Variants in TMCC1 observed in about 807,000 individuals in gnomAD.
The protein encoded by TMCC1 is transmembrane and coiled-coil domain family 1.
TMCC1 carries 15 observed loss-of-function variants against 52.4 expected under a neutral mutation model. That is an observed-to-expected ratio of 0.29 (90% confidence interval 0.19 to 0.44). TMCC1 has a LOEUF of 0.44. Among genes scored for constraint, TMCC1 ranks in the 20% least tolerant of loss-of-function variants. The pLI is 1.00. For synonymous variants in TMCC1, 279 were observed against 301.9 expected, an observed-to-expected ratio of 0.92 and a Z score of 0.79; for missense variants, 503 against 806.0, an observed-to-expected ratio of 0.62 and a Z score of 4.55.
intron 4 of TMCC1, among the ~76,000 whole-genome samples, chr3:129,696,505 C>G (rs1010560411): frequency 1.3e-5 from 2 of 152,218 alleles, no homozygotes; most frequent in African/African-American, 4.8e-5. Flanking sequence ...GCCATGGTCA[C>G]TCATATTTGG....
intron 4 of TMCC1, among the ~76,000 whole-genome samples, chr3:129,750,530 A>G (rs536971329): frequency 6.6e-6 from 1 of 150,710 alleles, no homozygotes; most frequent in African/African-American, 2.4e-5. Flanking sequence ...TTTGAATCAG[A>G]GTCCACTTTT....
intron 4 of TMCC1, among the ~76,000 whole-genome samples, chr3:129,769,160 G>A (rs900933452): frequency 2.0e-5 from 3 of 152,208 alleles, no homozygotes; most frequent in Admixed American, 6.5e-5. Flanking sequence ...CATTGCCAGC[G>A]GGCCGCACGT....
In TMCC1 at chr3:129,737,519, C is replaced by T. The variant is rs541243191; in HGVS notation, c.577-66255G>A. Among the ~76,000 whole-genome samples, 4 of 152,158 alleles carry T rather than the reference C, an allele frequency of 2.6e-5. No individual in the cohort carries two copies. The South Asian group carries it at 6.2e-4, about 24-fold the overall frequency. ...AGAGGCTTGACGGAATTCTCTTGCCCCTTTCACCATGTGATGATGCAGCAA... is the reference window on the plus strand; with the variant it reads ...AGAGGCTTGACGGAATTCTCTTGCCTCTTTCACCATGTGATGATGCAGCAA... On this transcript the variant is annotated intron_variant, in intron 4 of 6. Coordinates refer to ENST00000393238, the MANE Select transcript of TMCC1 (RefSeq NM_001017395.5).
At chr3:129,863,391 T>C (rs2060481894) in intron 2 of TMCC1, among the ~76,000 whole-genome samples, 1 of 152,166 alleles carries the variant, frequency 6.6e-6, no homozygotes. Context: ...CAGTTTGCCT[T>C]GGTACCTCAA....
At chr3:129,699,328 T>C (rs1180830611) in intron 4 of TMCC1, among the ~76,000 whole-genome samples, 2 of 152,232 alleles carry the variant, frequency 1.3e-5, no homozygotes, top group Non-Finnish European at 2.9e-5. Context: ...CTAATTACAA[T>C]GCATTAGCAT....
chr3:129,724,057 T>A (rs2049881163), intron 4 of TMCC1, among the ~76,000 whole-genome samples: 2 of 152,076 alleles, frequency 1.3e-5, no homozygotes, highest in South Asian at 4.1e-4. Flanking sequence ...TTTGAACATG[T>A]TGTACTGTGG....
intron 5 of TMCC1, among the ~76,000 whole-genome samples, chr3:129,669,751 G>A (rs1483793806): frequency 6.6e-6 from 1 of 152,148 alleles, no homozygotes; most frequent in Non-Finnish European, 1.5e-5. Flanking sequence ...ACACAAAAAC[G>A]AGACCAGCTT....
At chr3:129,874,871 T>C (rs72987391) in intron 2 of TMCC1, among the ~76,000 whole-genome samples, 14,781 of 152,084 alleles carry the variant, frequency 0.097, 845 homozygotes, top group Middle Eastern at 0.16. Flanking sequence ...ATAAATAAAA[T>C]AAAATGAAAA....
intron 4 of TMCC1, among the ~76,000 whole-genome samples, chr3:129,675,834 G>A (rs1183264133): frequency 6.6e-6 from 1 of 151,864 alleles, no homozygotes; most frequent in South Asian, 2.1e-4. Flanking sequence ...TCAGGAGATC[G>A]AGACCATCCT....
intron 4 of TMCC1, among the ~76,000 whole-genome samples, chr3:129,724,706 T>C (rs1449940245): frequency 6.6e-6 from 1 of 152,202 alleles, no homozygotes; most frequent in African/African-American, 2.4e-5. Context: ...GAACATGAAT[T>C]TTCTACCAAG....
chr3:129,821,733 AC>A (rs1434787204), intron 4 of TMCC1, among the ~76,000 whole-genome samples: 2 of 152,036 alleles, frequency 1.3e-5, no homozygotes, highest in Non-Finnish European at 2.9e-5. Flanking sequence ...TGCAGAAATA[AC>A]TCCATGAAGA....
At chr3:129,656,751 T>C (rs1159770299) in intron 5 of TMCC1, 3 of 152,188 alleles carry the variant, frequency 2.0e-5, no homozygotes, top group African/African-American at 7.2e-5. Flanking sequence ...CTTCCTGTTA[T>C]TGAAGTGACT....
chr3:129,824,672 G>C (rs545900983), intron 4 of TMCC1, among the ~76,000 whole-genome samples: 1 of 148,744 alleles, frequency 6.7e-6, no homozygotes, highest in Non-Finnish European at 1.5e-5. Context: ...ATCTTTAAGG[G>C]AGAACAATGA....
In TMCC1 at chr3:129,670,659, C is replaced by T; in HGVS notation, c.1182G>A (p.Glu394=). ...DNIPNLKDSL[E]EGQVDDAGKA... The stretch of plus-strand genomic sequence containing the variant: ...TCCCCGCATCATCCACTTGCCCTTC[C>T]TCTAAAGAGTCCTTCAGGTTGGGGA... Residue 394 remains glutamate (E), a synonymous_variant, in exon 5 of 7, where the codon GAG becomes GAA. Coordinates refer to ENST00000393238, the MANE Select transcript of TMCC1 (RefSeq NM_001017395.5). The T allele has an allele frequency of 6.2e-7, 1 of 1,614,234 alleles. No homozygotes were observed. The highest frequency in any genetic ancestry group is 1.1e-5 in the South Asian group (1 of 91,080).
chr3:129,756,868 G>A (rs188905355), intron 4 of TMCC1, among the ~76,000 whole-genome samples: 1 of 152,314 alleles, frequency 6.6e-6, no homozygotes, highest in Admixed American at 6.5e-5. Flanking sequence ...TAAAGTGGAA[G>A]CAAAGCGAAA....
At chr3:129,683,581 CTTTGT>C (rs1461726878) in intron 4 of TMCC1, among the ~76,000 whole-genome samples, 6 of 152,010 alleles carry the variant, frequency 3.9e-5, no homozygotes, top group Admixed American at 3.3e-4. Context: ...GTTTTTAATT[CTTTGT>C]TTTGTTTTTC....
chr3:129,782,286 T>C (rs2055597111), intron 4 of TMCC1, among the ~76,000 whole-genome samples: 1 of 152,048 alleles, frequency 6.6e-6, no homozygotes, highest in African/African-American at 2.4e-5. Context: ...CACAGCAATA[T>C]TAATTCAAAG....
At chr3:129,848,728 T>C (rs1225846779) in intron 2 of TMCC1, among the ~76,000 whole-genome samples, 1 of 152,222 alleles carries the variant, frequency 6.6e-6, no homozygotes, top group Non-Finnish European at 1.5e-5. Context: ...CAAATGAGCA[T>C]TTGATTCTAT....
At chr3:129,709,917 T>A (rs773813366) in intron 4 of TMCC1, among the ~76,000 whole-genome samples, 32 of 152,138 alleles carry the variant, frequency 2.1e-4, no homozygotes, top group Non-Finnish European at 3.1e-4. Flanking sequence ...CCAGGCGCGG[T>A]GGCTCACACC....
Sources: gnomAD v4.1 joint callset for allele counts (sites outside exome capture counted in the v4.1 genomes callset) on GRCh38, gnomAD v4.1.1 for gene constraint, MANE v1.5 for transcripts, NCBI Gene and HGNC (gene_info 2026-07-23, HGNC 2026-07-21) for gene names.